The following SCFD2 variants were observed in gnomAD, a reference collection of about 807,000 sequenced individuals.
SCFD2 encodes sec1 family domain-containing protein 2.
A neutral mutation model predicts 58.9 loss-of-function variants in SCFD2; 54 were observed. That is an observed-to-expected ratio of 0.92 (90% CI 0.74 to 1.15). SCFD2 has a LOEUF of 1.15. SCFD2 is among the 50% of genes most tolerant of loss of function. The probability of loss-of-function intolerance (pLI) is 0.00; values close to 1 mark genes in which losing one functional copy is unlikely to be tolerated. For missense variants in SCFD2, 805 were observed against 836.6 expected (o/e 0.96, Z 0.47); for synonymous variants, 321 against 335.9 (o/e 0.96, Z 0.49).
Position 53,339,764 on chromosome 4 carries a change from T to C in SCFD2, c.1007+12834A>G, listed in dbSNP as rs1577983916. ...CAACCTAGGCAACAGAGTGAGACTC[T>C]GTCTCAAAAAAGAAAAAAAAAAGTG... On this transcript the variant is annotated intron_variant, in intron 2 of 8. Coordinates refer to ENST00000401642, the MANE Select transcript of SCFD2 (RefSeq NM_152540.4). Among the ~76,000 whole-genome samples, 3 of 151,692 alleles carry C rather than the reference T, an allele frequency of 2.0e-5. No homozygotes were observed. The East Asian group carries it at 5.8e-4, about 29-fold the overall frequency.
chr4:52,944,278 T>C (rs1404121429), intron 5 of SCFD2, among the ~76,000 whole-genome samples: 1 of 152,208 alleles, frequency 6.6e-6, no homozygotes, highest in East Asian at 1.9e-4. Flanking sequence ...ATTTCCATAC[T>C]GCAGAAATGT....
At chr4:53,326,127 A>G (rs1250213051) in intron 2 of SCFD2, among the ~76,000 whole-genome samples, 5 of 151,874 alleles carry the variant, frequency 3.3e-5, no homozygotes, top group Non-Finnish European at 7.4e-5. Flanking sequence ...CATTATTTAA[A>G]ATTTTATTTA....
intron 5 of SCFD2, among the ~76,000 whole-genome samples, chr4:52,951,341 C>T (rs527374704): frequency 2.6e-4 from 39 of 152,252 alleles, no homozygotes; most frequent in Admixed American, 7.2e-4. Flanking sequence ...GAAACACTGA[C>T]GACTAAATCT....
chr4:53,199,878 C>G (rs1281942022), intron 4 of SCFD2, among the ~76,000 whole-genome samples: 4 of 151,968 alleles, frequency 2.6e-5, no homozygotes, highest in Admixed American at 6.6e-5. Flanking sequence ...TCTCTTCCTG[C>G]TTGCAGATGG....
chr4:53,094,319 G>A (rs1724555919), intron 5 of SCFD2, among the ~76,000 whole-genome samples: 1 of 152,074 alleles, frequency 6.6e-6, no homozygotes, highest in African/African-American at 2.4e-5. Flanking sequence ...CAATTCTGGA[G>A]TCTAGAAGTC....
In SCFD2 at chr4:53,314,411, T is replaced by C. The variant is rs548885361; in HGVS notation, c.1008-648A>G. Among the ~76,000 whole-genome samples the C allele has an allele frequency of 1.1e-4, 16 of 152,356 alleles. No homozygotes were observed. The South Asian group carries it at 2.7e-3, about 26-fold the overall frequency. ...ACTGCATTATATGCAAGGTCTCATCTGGGCTCACTTCTCCAATAGCCCTCT... is the reference window on the plus strand; with the variant it reads ...ACTGCATTATATGCAAGGTCTCATCCGGGCTCACTTCTCCAATAGCCCTCT... On this transcript the variant is annotated intron_variant, in intron 2 of 8. Coordinates refer to ENST00000401642, the MANE Select transcript of SCFD2 (RefSeq NM_152540.4).
In SCFD2 at chr4:52,888,439, G is replaced by A. The variant is rs141670568; in HGVS notation, c.1843-2573C>T. On this transcript the variant is annotated intron_variant, in intron 7 of 8. Transcript: ENST00000401642. ...CCTGCTCTGCACCTCTGTTTCCCCC[G>A]ACCAATTTGTCAACTGCTTTCTTCC... 5.3e-5 allele frequency among the ~76,000 whole-genome samples: 8 copies of A among 152,072 alleles called. No individual in the cohort carries two copies. The East Asian group carries it at 1.2e-3, about 22-fold the overall frequency.
chr4:53,254,855 AT>A (rs1338304882), intron 4 of SCFD2, among the ~76,000 whole-genome samples: 2 of 130,172 alleles, frequency 1.5e-5, no homozygotes, highest in Admixed American at 7.8e-5. Context: ...ATTTTATTTT[AT>A]TTTATTTATT....
At chr4:52,879,243 T>C (rs572260437) in intron 8 of SCFD2, among the ~76,000 whole-genome samples, 1 of 152,302 alleles carries the variant, frequency 6.6e-6, no homozygotes, top group South Asian at 2.1e-4. Flanking sequence ...ATACCTGCCC[T>C]GCACCATCTA....
chr4:53,012,351 CTCTT>C (rs201843031), intron 5 of SCFD2, among the ~76,000 whole-genome samples: 5 of 140,770 alleles, frequency 3.6e-5, no homozygotes, highest in African/African-American at 1.1e-4. Context: ...ATCTCTCTCT[CTCTT>C]TCTCTCTCTC....
Position 53,086,747 on chromosome 4 carries a change from G to A in SCFD2, c.1561+58586C>T, listed in dbSNP as rs771348932. 5.3e-4 allele frequency among the ~76,000 whole-genome samples: 81 copies of A among 152,296 alleles called. 1 individual carries two copies. The highest frequency in any genetic ancestry group is 3.4e-3 in the Middle Eastern group (1 of 294). On this transcript the variant is annotated intron_variant, in intron 5 of 8. Coordinates refer to ENST00000401642, the MANE Select transcript of SCFD2 (RefSeq NM_152540.4). ...CATTTGCAACAACATGGATGGAATT[G>A]GAGGTCATTATGTCAAGTGAAATAA...
intron 5 of SCFD2, among the ~76,000 whole-genome samples, chr4:53,115,531 C>T (rs1725295531): frequency 6.6e-6 from 1 of 152,104 alleles, no homozygotes; most frequent in Non-Finnish European, 1.5e-5. Context: ...AATCCAAAGA[C>T]AGAGAGGGCA....
At chr4:53,287,095 C>A (rs1388503668) in intron 3 of SCFD2, among the ~76,000 whole-genome samples, 2 of 152,162 alleles carry the variant, frequency 1.3e-5, no homozygotes, top group Admixed American at 6.5e-5. Flanking sequence ...CAGACATAAA[C>A]CTGTCCCCGG....
intron 5 of SCFD2, 33 bp downstream of exon 5, chr4:53,145,295 AGTGAT>A: frequency 1.2e-6 from 2 of 1,606,466 alleles, no homozygotes; most frequent in South Asian, 2.2e-5. Flanking sequence ...TTCGTGTATC[AGTGAT>A]GTTTGTGTCC....
In SCFD2 at chr4:53,230,834, C is replaced by T. The variant is rs555726813; in HGVS notation, c.1311+42992G>A. Among the ~76,000 whole-genome samples the T allele has an allele frequency of 3.9e-5, 6 of 151,976 alleles. No homozygotes were observed. In the South Asian group the frequency reaches 1.0e-3, roughly 26 times the overall value. On this transcript the variant is annotated intron_variant, in intron 4 of 8. Transcript: ENST00000401642. ...AGGTATTGAAATCAGATATTCAATACCTCAGATCTCTGAGGTATAATTTTG... is the reference window on the plus strand; with the variant it reads ...AGGTATTGAAATCAGATATTCAATATCTCAGATCTCTGAGGTATAATTTTG...
intron 5 of SCFD2, among the ~76,000 whole-genome samples, chr4:52,935,203 CAA>C (rs1171326420): frequency 1.3e-5 from 2 of 152,154 alleles, no homozygotes; most frequent in Non-Finnish European, 2.9e-5. Context: ...GGAAGGAGCT[CAA>C]TAAATAGTTG....
intron 5 of SCFD2, among the ~76,000 whole-genome samples, chr4:53,122,957 A>C (rs1271986304): frequency 3.3e-5 from 5 of 151,818 alleles, no homozygotes; most frequent in Admixed American, 6.6e-5. Flanking sequence ...TGGCTTATTC[A>C]TACAAAAAAA....
intron 5 of SCFD2, among the ~76,000 whole-genome samples, chr4:52,991,602 G>A (rs746061167): frequency 1.3e-5 from 2 of 152,156 alleles, no homozygotes; most frequent in Non-Finnish European, 2.9e-5. Flanking sequence ...AGAGGAGTTG[G>A]ATTAAGGGCC....
intron 5 of SCFD2, among the ~76,000 whole-genome samples, chr4:52,985,615 T>C (rs1389488285): frequency 7.3e-6 from 1 of 137,712 alleles, no homozygotes; most frequent in Non-Finnish European, 1.6e-5. Flanking sequence ...CCCAGACGTA[T>C]CTGAAAAACT....
Sources: gnomAD v4.1 joint callset for allele counts (sites outside exome capture counted in the v4.1 genomes callset) on GRCh38, gnomAD v4.1.1 for gene constraint, MANE v1.5 for transcripts, NCBI Gene and HGNC (gene_info 2026-07-23, HGNC 2026-07-21) for gene names.